Variants in GALNTL6 observed in about 807,000 individuals in gnomAD.
The protein encoded by GALNTL6 is polypeptide N-acetylgalactosaminyltransferase-like 6.
A neutral mutation model predicts 73.7 loss-of-function variants in GALNTL6; 46 were observed. The observed-to-expected ratio is 0.62, with a 90% CI of 0.49 to 0.80. The LOEUF is 0.80. Ranked by LOEUF, GALNTL6 falls within the 30% of genes least tolerant of loss-of-function variation. The pLI is 0.00. For synonymous variants in GALNTL6, 259 were observed against 263.7 expected, an observed-to-expected ratio of 0.98 and a Z score of 0.17; for missense variants, 604 against 755.0, an observed-to-expected ratio of 0.80 and a Z score of 2.34.
At chr4:172,801,153 T>A (rs964173777) in intron 5 of GALNTL6, among the ~76,000 whole-genome samples, 1 of 152,194 alleles carries the variant, frequency 6.6e-6, no homozygotes, top group African/African-American at 2.4e-5. Flanking sequence ...CATTACCTTT[T>A]CAAAATTGAA....
At chr4:172,960,393 G>T (rs1423461966) in intron 10 of GALNTL6, among the ~76,000 whole-genome samples, 2 of 152,182 alleles carry the variant, frequency 1.3e-5, no homozygotes, top group African/African-American at 4.8e-5. Flanking sequence ...AGGAGGGGAG[G>T]TGATAAAAGG....
intron 5 of GALNTL6, among the ~76,000 whole-genome samples, chr4:172,654,920 A>G (rs776781318): frequency 3.3e-5 from 5 of 152,184 alleles, no homozygotes; most frequent in Admixed American, 1.3e-4. Flanking sequence ...GTTCTAGTAG[A>G]TATCATAACT....
At chr4:171,964,498 C>T (rs889861944) in intron 2 of GALNTL6, among the ~76,000 whole-genome samples, 4 of 152,100 alleles carry the variant, frequency 2.6e-5, no homozygotes, top group Non-Finnish European at 5.9e-5. Flanking sequence ...AGTATAGATT[C>T]TCACCAAGAA....
chr4:172,666,311 GT>G (rs1456842728), intron 5 of GALNTL6, among the ~76,000 whole-genome samples: 34 of 152,296 alleles, frequency 2.2e-4, no homozygotes, highest in Middle Eastern at 3.4e-3. Context: ...ATGAATGATG[GT>G]TTGTTTGGAT....
chr4:171,919,778 G>A (rs1418162917), intron 2 of GALNTL6, among the ~76,000 whole-genome samples: 1 of 152,106 alleles, frequency 6.6e-6, no homozygotes, highest in Non-Finnish European at 1.5e-5. Flanking sequence ...CACTACGAAG[G>A]CCTTTCCTTC....
intron 5 of GALNTL6, among the ~76,000 whole-genome samples, chr4:172,670,584 C>G (rs1246942751): frequency 6.6e-6 from 1 of 151,864 alleles, no homozygotes; most frequent in Non-Finnish European, 1.5e-5. Context: ...CAAAAATTTT[C>G]TGCCATTCCA....
chr4:172,797,406 G>A (rs1033767300), intron 5 of GALNTL6, among the ~76,000 whole-genome samples: 1 of 151,900 alleles, frequency 6.6e-6, no homozygotes, highest in Non-Finnish European at 1.5e-5. Flanking sequence ...CGCTACGCCC[G>A]GCTAATTTTT....
rs532037449 is a variant in GALNTL6 at position 172,489,712 on chromosome 4, TA to T, written c.553+141024del. 1.6e-3 allele frequency among the ~76,000 whole-genome samples: 246 copies of T among 152,334 alleles called. 2 individuals carry two copies. Among genetic ancestry groups the T allele is most frequent in the African/African-American group, 5.8e-3 (241 of 41,582 alleles). On this transcript the variant is annotated intron_variant, in intron 5 of 12. Coordinates refer to ENST00000506823, the MANE Select transcript of GALNTL6 (RefSeq NM_001034845.3). Reference sequence around the variant, plus strand: ...TACTCTTTCAATGCAAAGGCACACCTACATACTCTAAGTGGTTGCTATTCAA... The same window carrying T: ...TACTCTTTCAATGCAAAGGCACACCTCATACTCTAAGTGGTTGCTATTCAA...
chr4:172,944,508 G>A (rs971603085), intron 9 of GALNTL6, among the ~76,000 whole-genome samples: 2 of 152,162 alleles, frequency 1.3e-5, no homozygotes, highest in African/African-American at 4.8e-5. Context: ...CAATGCTAAT[G>A]GGAATGTAAA....
intron 2 of GALNTL6, among the ~76,000 whole-genome samples, chr4:171,827,283 A>T (rs1049923132): frequency 1.3e-5 from 2 of 152,168 alleles, no homozygotes; most frequent in African/African-American, 4.8e-5. Context: ...TATGGCTGCC[A>T]CTTAATTATT....
chr4:172,800,253 C>T (rs981678542), intron 5 of GALNTL6, among the ~76,000 whole-genome samples: 4 of 152,056 alleles, frequency 2.6e-5, no homozygotes, highest in African/African-American at 7.2e-5. Flanking sequence ...TTTTATATTA[C>T]ATGTATTTTA....
intron 5 of GALNTL6, among the ~76,000 whole-genome samples, chr4:172,665,898 C>T (rs531264046): frequency 7.2e-5 from 11 of 152,166 alleles, no homozygotes; most frequent in Admixed American, 7.2e-4. Context: ...AGTGCCTGTA[C>T]CCTTTCACCT....
intron 5 of GALNTL6, among the ~76,000 whole-genome samples, chr4:172,713,059 T>C (rs1464250218): frequency 6.6e-6 from 1 of 152,164 alleles, no homozygotes; most frequent in African/African-American, 2.4e-5. Flanking sequence ...GTGCTCCCTA[T>C]CTTTAGAATT....
intron 2 of GALNTL6, among the ~76,000 whole-genome samples, chr4:171,850,449 G>A (rs756684631): frequency 2.0e-5 from 3 of 152,226 alleles, no homozygotes; most frequent in East Asian, 1.9e-4. Context: ...GGGCTGGAGC[G>A]CAGTTAATCA....
At chr4:172,706,094 G>C (rs903113715) in intron 5 of GALNTL6, among the ~76,000 whole-genome samples, 6 of 151,948 alleles carry the variant, frequency 3.9e-5, no homozygotes, top group African/African-American at 1.4e-4. Context: ...CCCTGTTAAA[G>C]ACCAATGACT....
At chr4:172,183,912 C>CA (rs2110861435) in intron 2 of GALNTL6, among the ~76,000 whole-genome samples, 1 of 151,864 alleles carries the variant, frequency 6.6e-6, no homozygotes, top group South Asian at 2.1e-4. Context: ...CCTGCCTCAG[C>CA]CTCCTGAATA....
intron 2 of GALNTL6, among the ~76,000 whole-genome samples, chr4:171,915,190 G>A (rs1276664796): frequency 1.3e-5 from 2 of 152,126 alleles, no homozygotes; most frequent in Admixed American, 6.5e-5. Flanking sequence ...GAATGGCACA[G>A]CATCATTTTA....
At chr4:172,331,906 C>T (rs912143260) in intron 4 of GALNTL6, among the ~76,000 whole-genome samples, 1 of 152,114 alleles carries the variant, frequency 6.6e-6, no homozygotes, top group East Asian at 1.9e-4. Context: ...ATTGCAGGAT[C>T]ATATTTTAGT....
In GALNTL6 at chr4:172,206,818, G is replaced by GT. The variant is rs1254869443; in HGVS notation, c.139-22821dup. On this transcript the variant is annotated intron_variant, in intron 2 of 12. Transcript: ENST00000506823. ...TTTTGTTTTTCTGTTTTTTTTGTTT[G>GT]TTTTTTTTTTTTTTTTTGAGACGGA... Among the ~76,000 whole-genome samples, 472 of 62,870 alleles carry GT rather than the reference G, an allele frequency of 7.5e-3. 26 individuals are homozygous for GT. Among genetic ancestry groups the GT allele is most frequent in the African/African-American group, 0.02 (448 of 22,266 alleles). 41.2% of individuals were successfully genotyped at this position (62,870 alleles called of 152,430 possible).
Sources: gnomAD v4.1 joint callset for allele counts (sites outside exome capture counted in the v4.1 genomes callset) on GRCh38, gnomAD v4.1.1 for gene constraint, MANE v1.5 for transcripts, NCBI Gene and HGNC (gene_info 2026-07-23, HGNC 2026-07-21) for gene names.